MIA2: variants seen among roughly 807,000 people sequenced by gnomAD.
MIA2 encodes melanoma inhibitory activity protein 2.
In MIA2, 127 loss-of-function variants were observed where a neutral mutation model predicts 167.8. The observed-to-expected ratio is 0.76, with a 90% confidence interval of 0.66 to 0.88. The LOEUF is 0.88. Among genes scored for constraint, MIA2 ranks in the 40% least tolerant of loss-of-function variants. The probability of loss-of-function intolerance (pLI) is 0.00; values close to 1 mark genes in which losing one functional copy is unlikely to be tolerated. For missense variants in MIA2, 1,690 were observed against 1,624.7 expected, an observed-to-expected ratio of 1.04 and a Z score of -0.69; for synonymous variants, 552 against 541.9, an observed-to-expected ratio of 1.02 and a Z score of -0.26.
chr14:39,268,459 A>G lies in MIA2; in HGVS notation c.1888-8475A>G, dbSNP rs112681431. ...GTCTGTTAAGAGAGAGAAGACAAAA[A>G]AAAAAATAGTACAAAGTAGAAACTG... On this transcript the variant is annotated intron_variant, in intron 6 of 28. Transcript: ENST00000640607. Among the ~76,000 whole-genome samples, 6 of 152,100 alleles carry G rather than the reference A, an allele frequency of 3.9e-5. 1 individual carries two copies. The highest frequency in any genetic ancestry group is 1.2e-4 in the African/African-American group (5 of 41,452).
intron 23 of MIA2, among the ~76,000 whole-genome samples, chr14:39,362,575 T>C (rs1353788112): frequency 6.6e-6 from 1 of 152,166 alleles, no homozygotes; most frequent in Admixed American, 6.5e-5. Flanking sequence ...TCTTCCTTTT[T>C]TTCTTGGTTA....
downstream of MIA2, among the ~76,000 whole-genome samples, chr14:39,354,860 G>C (rs944728784): frequency 6.6e-6 from 1 of 152,054 alleles, no homozygotes; most frequent in Admixed American, 6.6e-5. Context: ...TGTCAAAGAT[G>C]AGATAGTTGT....
chr14:39,261,174 G>A (rs61998544), intron 6 of MIA2, among the ~76,000 whole-genome samples: 1 of 151,978 alleles, frequency 6.6e-6, no homozygotes, highest in East Asian at 1.9e-4. Flanking sequence ...GGTGTGTGAT[G>A]TTCCCCTTCC....
In MIA2 at chr14:39,314,742, G is replaced by A. The variant is rs1413416670; in HGVS notation, c.3123G>A (p.Lys1041=). The part of the protein sequence containing the change: ...HATEELETYR[K]RAKDLEEELE... ...AATAATTATTCGTTCCATTTAGAAA[G>A]CGAGCCAAAGATCTTGAAGAAGAAT... The change falls in exon 20 of 29, where the codon AAG becomes AAA. Residue 1041 remains lysine (K), a synonymous_variant. Transcript: ENST00000640607. 2.5e-6 allele frequency: 4 copies of A among 1,603,546 alleles called. No homozygotes were observed. The highest frequency in any genetic ancestry group is 3.4e-6 in the Non-Finnish European group (4 of 1,174,370).
At chr14:39,355,462 TG>T (rs1198742061), downstream of MIA2, among the ~76,000 whole-genome samples, 11 of 152,152 alleles carry the variant, frequency 7.2e-5, no homozygotes, top group African/African-American at 2.7e-4. Context: ...GCTGAGACAA[TG>T]GGGTTTTCTA....
At chr14:39,305,394 C>G (rs1295645343) in intron 17 of MIA2, among the ~76,000 whole-genome samples, 1 of 152,178 alleles carries the variant, frequency 6.6e-6, no homozygotes, top group African/African-American at 2.4e-5. Flanking sequence ...ATTTGCTCAC[C>G]AGTTATCCCA....
In MIA2 at chr14:39,375,626, G is replaced by A. The variant is rs1019331239; in HGVS notation, c.2249-11259G>A. 2.6e-5 allele frequency among the ~76,000 whole-genome samples: 4 copies of A among 152,202 alleles called. No individual in the cohort carries two copies. The South Asian group carries it at 8.3e-4, about 31-fold the overall frequency. ...GCAAGAGAATTGCTTGAACCCGGGAGACAGAAGTTGCAGTGAGTGGAGATC... is the reference window on the plus strand; with the variant it reads ...GCAAGAGAATTGCTTGAACCCGGGAAACAGAAGTTGCAGTGAGTGGAGATC... On this transcript the variant is annotated intron_variant, in intron 23 of 23. Transcript: ENST00000341502.
At position 39,254,004 on chromosome 14, in the gene MIA2, G is replaced by A. The variant is rs187629945; in HGVS notation, c.1887+833G>A. Among the ~76,000 whole-genome samples, 184 of 152,274 alleles carry A rather than the reference G, an allele frequency of 1.2e-3. 1 individual carries two copies. Among genetic ancestry groups the A allele is most frequent in the African/African-American group, 4.3e-3 (179 of 41,560 alleles). ...CTTCAAGGAGCTCACTCTAGTTGGA[G>A]GACACAGATAAAAAAGTAATAATTT... On this transcript the variant is annotated intron_variant, in intron 6 of 28. Transcript: ENST00000640607.
At chr14:39,282,256 CTTTCT>C (rs1428818547) in intron 9 of MIA2, among the ~76,000 whole-genome samples, 2 of 152,052 alleles carry the variant, frequency 1.3e-5, no homozygotes, top group Admixed American at 1.3e-4. Context: ...ATGTATTTGA[CTTTCT>C]TTTATGTAAA....
chr14:39,265,475 C>T lies in MIA2; in HGVS notation c.1888-11459C>T, dbSNP rs1397595716. Reference sequence around the variant, plus strand: ...AACAAATGAGGTTTGGAATTTTGCACTAAGTTTGTTAAGCTTTACTGTGTT... The same window carrying T: ...AACAAATGAGGTTTGGAATTTTGCATTAAGTTTGTTAAGCTTTACTGTGTT... On this transcript the variant is annotated intron_variant, in intron 6 of 28. Transcript: ENST00000640607. The T allele has an allele frequency of 8.3e-6, 12 of 1,441,828 alleles. No individual in the cohort carries two copies. The African/African-American group carries it at 1.6e-4, about 19-fold the overall frequency. 89.3% of individuals were successfully genotyped at this position (1,441,828 alleles called of 1,614,324 possible).
chr14:39,356,588 G>A (rs564269415), intron 23 of MIA2, among the ~76,000 whole-genome samples: 21 of 151,990 alleles, frequency 1.4e-4, no homozygotes, highest in Admixed American at 7.9e-4. Flanking sequence ...ATTTCTTGCC[G>A]TCTGCTGGCT....
In MIA2 at chr14:39,248,495, C is replaced by G. The variant is rs370099204; in HGVS notation, c.1567+354C>G. 2.3e-4 allele frequency among the ~76,000 whole-genome samples: 35 copies of G among 151,944 alleles called. 1 individual carries two copies. The East Asian group carries it at 4.4e-3, about 19-fold the overall frequency. ...CTGTTCTCTCCATCTACCTCCACTC[C>G]CACTGCTTTCCCAGAGACAGTAATT... On this transcript the variant is annotated intron_variant, in intron 4 of 28. Transcript: ENST00000640607.
At chr14:39,384,234 A>G (rs1253727340) in intron 23 of MIA2, among the ~76,000 whole-genome samples, 4 of 152,154 alleles carry the variant, frequency 2.6e-5, no homozygotes, top group African/African-American at 9.7e-5. Flanking sequence ...AATTATGTTA[A>G]ATCTGCTCTG....
intron 14 of MIA2, among the ~76,000 whole-genome samples, 198 bp downstream of exon 14, chr14:39,300,184 A>G (rs781645547): frequency 5.4e-4 from 82 of 152,312 alleles, no homozygotes; most frequent in Non-Finnish European, 1.1e-3. Flanking sequence ...ACTTATATGA[A>G]TATTCTGTGT....
rs149596997 is a variant in MIA2 at position 39,255,467 on chromosome 14, C to T, written c.1887+2296C>T. Among the ~76,000 whole-genome samples the T allele has an allele frequency of 6.1e-3, 936 of 152,308 alleles. 9 individuals carry two copies. Among genetic ancestry groups the T allele is most frequent in the African/African-American group, 0.022 (914 of 41,550 alleles). On this transcript the variant is annotated intron_variant, in intron 6 of 28. Coordinates refer to ENST00000640607, the MANE Select transcript of MIA2 (RefSeq NM_001329214.4). ...AGGTTGCAGTGAGCCAAGATCATGC[C>T]ACTGCACTCCAGCCTGGGCCATAGA...
chr14:39,263,048 C>T (rs982003936), intron 6 of MIA2, among the ~76,000 whole-genome samples: 3 of 152,220 alleles, frequency 2.0e-5, no homozygotes, highest in Non-Finnish European at 4.4e-5. Flanking sequence ...ACTTCGAACA[C>T]TGTGTTGAAT....
chr14:39,353,382 C>T (rs371905623), downstream of MIA2, among the ~76,000 whole-genome samples: 13 of 152,152 alleles, frequency 8.5e-5, no homozygotes, highest in African/African-American at 2.9e-4. Flanking sequence ...ATCTATCATT[C>T]TATTCTCTGT....
intron 28 of MIA2, among the ~76,000 whole-genome samples, chr14:39,349,472 A>G (rs1484613042): frequency 6.6e-6 from 1 of 152,224 alleles, no homozygotes; most frequent in East Asian, 1.9e-4. Flanking sequence ...AGCTTCACAT[A>G]AGAAAAAGGG....
chr14:39,359,175 C>G lies in MIA2; in HGVS notation c.2248+10198C>G, dbSNP rs190319304. ...GTGGAGTCTACAGAGGCAGGCAGGCCTCCTTGAGCTGTGATGTGCTCCACC... is the reference window on the plus strand; with the variant it reads ...GTGGAGTCTACAGAGGCAGGCAGGCGTCCTTGAGCTGTGATGTGCTCCACC... On this transcript the variant is annotated intron_variant, in intron 23 of 23. Transcript: ENST00000341502. 1.1e-4 allele frequency among the ~76,000 whole-genome samples: 16 copies of G among 152,310 alleles called. No homozygotes were observed. In the East Asian group the frequency reaches 2.9e-3, roughly 28 times the overall value.
Sources: allele counts gnomAD v4.1 joint callset (sites outside exome capture counted in the v4.1 genomes callset), GRCh38; gene constraint gnomAD v4.1.1; transcripts MANE v1.5; gene names NCBI Gene and HGNC (gene_info 2026-07-23, HGNC 2026-07-21).